The following NPEPPS variants were observed in gnomAD, a reference collection of about 807,000 sequenced individuals.
NPEPPS encodes the protein puromycin-sensitive aminopeptidase.
NPEPPS carries 14 observed loss-of-function variants against 115.5 expected under a neutral mutation model. That is an observed-to-expected ratio of 0.12 (90% CI 0.08 to 0.19). The LOEUF is 0.19. Ranked by LOEUF, NPEPPS falls within the 10% of genes least tolerant of loss-of-function variation. The pLI is 1.00. For missense variants in NPEPPS, 523 were observed against 1,110.8 expected (o/e 0.47, Z 7.52); for synonymous variants, 285 against 390.6 (o/e 0.73, Z 3.19).
chr17:47,612,398 TG>T, intron 17 of NPEPPS, 61 bp from the exon 18 acceptor site: 1 of 1,568,640 alleles, frequency 6.4e-7, no homozygotes. Flanking sequence ...GATATCCAAA[TG>T]GCAAACTTAT....
At position 47,622,896 on chromosome 17, in the gene NPEPPS, T is replaced by C. The variant is rs1188856525; in HGVS notation, c.*976T>C. 2.2e-6 allele frequency: 1 copy of C among 455,902 alleles called. No individual in the cohort carries two copies. The highest frequency in any genetic ancestry group is 6.9e-5 in the East Asian group (1 of 14,396). 28.2% of individuals were successfully genotyped at this position (455,902 alleles called of 1,614,324 possible). ...CAGTATCAACACTGGCTTCTCCCGG[T>C]TCATTTTATGCGTGCGAGAAGTCAG... On this transcript the variant is annotated 3_prime_UTR_variant, in exon 23 of 23. Coordinates refer to ENST00000322157, the MANE Select transcript of NPEPPS (RefSeq NM_006310.4).
In NPEPPS at chr17:47,601,598, T is replaced by G. The variant is rs759892020; in HGVS notation, c.1601-10T>G. The G allele has an allele frequency of 2.5e-6, 4 of 1,613,224 alleles. No homozygotes were observed. In the East Asian group the frequency reaches 6.7e-5, roughly 27 times the overall value. On this transcript the variant is annotated splice_polypyrimidine_tract_variant and intron_variant, in intron 14 of 22. Coordinates refer to ENST00000322157, the MANE Select transcript of NPEPPS (RefSeq NM_006310.4). Reference sequence around the variant, plus strand: ...CCAGTGCAAAATTTGTTTGTTCTTCTCTGGCTTAGGTGAAGATTGTCCCCA... The same window carrying G: ...CCAGTGCAAAATTTGTTTGTTCTTCGCTGGCTTAGGTGAAGATTGTCCCCA...
At chr17:47,531,614 C>G in intron 1 of NPEPPS, 59 bp downstream of exon 1, 2 of 1,505,432 alleles carry the variant, frequency 1.3e-6, no homozygotes, top group South Asian at 2.5e-5. Context: ...GCCGCGCCCG[C>G]GGGCTGGACT....
At chr17:47,616,381 C>T (rs1236178553) in intron 19 of NPEPPS, among the ~76,000 whole-genome samples, 1 of 151,948 alleles carries the variant, frequency 6.6e-6, no homozygotes, top group Non-Finnish European at 1.5e-5. Flanking sequence ...AACTCCGGCT[C>T]TACTAAAAAT....
Position 47,622,973 on chromosome 17 carries a change from A to G in NPEPPS, c.*1053A>G, listed in dbSNP as rs1185245665. 1.8e-5 allele frequency: 8 copies of G among 455,612 alleles called. No individual in the cohort carries two copies. The East Asian group carries it at 2.1e-4, about 12-fold the overall frequency. The allele number at this position is 455,612 out of a possible 1,614,324, so 28.2% of individuals were successfully genotyped here. A position where few individuals can be genotyped will look rare whatever the true frequency, so the allele number is the denominator to read the frequency against. On this transcript the variant is annotated 3_prime_UTR_variant, in exon 23 of 23. Transcript: ENST00000322157. ...TTAGTGGTAACTGGTTTAAAAAACA[A>G]AGACTGTAAGCCTGTGTGTGCCACT...
At chr17:47,542,317 C>T (rs1316235476) in intron 1 of NPEPPS, among the ~76,000 whole-genome samples, 1 of 152,024 alleles carries the variant, frequency 6.6e-6, no homozygotes, top group African/African-American at 2.4e-5. Flanking sequence ...GAGGCCGAGG[C>T]GGGCAGATCA....
At chr17:47,602,173 G>C (rs891300353) in intron 15 of NPEPPS, among the ~76,000 whole-genome samples, 1 of 152,004 alleles carries the variant, frequency 6.6e-6, no homozygotes, top group Admixed American at 6.6e-5. Context: ...TCCTTAGTTG[G>C]TATTTCAAAA....
At chr17:47,525,812 A>G (rs1387568362) in intron 1 of NPEPPS, among the ~76,000 whole-genome samples, 1 of 152,206 alleles carries the variant, frequency 6.6e-6, no homozygotes, top group East Asian at 1.9e-4. Flanking sequence ...ATAATAATTG[A>G]GATGTACTTT....
intron 14 of NPEPPS, among the ~76,000 whole-genome samples, chr17:47,601,198 G>A (rs1567866011): frequency 6.6e-6 from 1 of 151,922 alleles, no homozygotes; most frequent in South Asian, 2.1e-4. Flanking sequence ...TCACGCCACC[G>A]CACTCCAGCC....
At chr17:47,544,585 G>A (rs1301172868) in intron 1 of NPEPPS, among the ~76,000 whole-genome samples, 1 of 150,868 alleles carries the variant, frequency 6.6e-6, no homozygotes, top group African/African-American at 2.4e-5. Context: ...CCAGGCTGGA[G>A]TGTAGTGGCA....
chr17:47,612,748 C>G, intron 18 of NPEPPS, 146 bp downstream of exon 18: 1 of 690,278 alleles, frequency 1.4e-6, no homozygotes, highest in Non-Finnish European at 2.3e-6. Flanking sequence ...ACTGCAGCCT[C>G]TGTCCCCCGA....
chr17:47,537,357 A>G (rs1908375945), intron 1 of NPEPPS, among the ~76,000 whole-genome samples: 1 of 152,172 alleles, frequency 6.6e-6, no homozygotes, highest in Non-Finnish European at 1.5e-5. Flanking sequence ...TGAATTTTCC[A>G]GATAACTGAA....
chr17:47,552,481 T>G (rs144447948), intron 2 of NPEPPS, among the ~76,000 whole-genome samples: 28 of 152,354 alleles, frequency 1.8e-4, no homozygotes, highest in African/African-American at 6.5e-4. Flanking sequence ...TGTATTTGCA[T>G]TCTTTCACTT....
intron 11 of NPEPPS, among the ~76,000 whole-genome samples, 168 bp downstream of exon 11, chr17:47,592,228 C>G (rs79600407): frequency 2.0e-5 from 3 of 151,600 alleles, no homozygotes; most frequent in East Asian, 3.9e-4. Flanking sequence ...GTTGACTACT[C>G]TGGTCTCTTA....
At chr17:47,527,350 G>A (rs1597798896), upstream of NPEPPS, among the ~76,000 whole-genome samples, 4 of 150,240 alleles carry the variant, frequency 2.7e-5, no homozygotes, top group African/African-American at 9.8e-5. Flanking sequence ...CGGGTGTGGT[G>A]GTGGGCACCT....
At chr17:47,527,294 C>T (rs1296097188), upstream of NPEPPS, among the ~76,000 whole-genome samples, 1 of 152,028 alleles carries the variant, frequency 6.6e-6, no homozygotes, top group Non-Finnish European at 1.5e-5. Context: ...ACCAGCCTGG[C>T]CAACATGGTG....
chr17:47,612,576 A>T lies in NPEPPS; in HGVS notation c.2212A>T (p.Ile738Phe). The T allele has an allele frequency of 6.2e-7, 1 of 1,613,282 alleles. No individual in the cohort carries two copies. The highest frequency in any genetic ancestry group is 1.1e-5 in the South Asian group (1 of 91,076). Residue 738 changes from isoleucine to phenylalanine, a missense_variant, in exon 18 of 23, where the codon ATT (isoleucine) becomes TTT (phenylalanine). By Grantham distance (21) the Ile-to-Phe change is conservative. Around this residue, in one of 4 missense-constraint regions of NPEPPS, gnomAD observed 372 missense variants for 542.6 expected, o/e 0.69. Coordinates refer to ENST00000322157, the MANE Select transcript of NPEPPS (RefSeq NM_006310.4). ...RFKDHVEGKQ[I>F]LSADLRSPVY... Reference sequence around the variant, plus strand: ...TAAGGACCACGTGGAAGGAAAACAGATTCTCTCCGCTGATCTGAGGAGTCC... The same window carrying T: ...TAAGGACCACGTGGAAGGAAAACAGTTTCTCTCCGCTGATCTGAGGAGTCC...
chr17:47,589,443 T>G (rs1358181995), intron 9 of NPEPPS, among the ~76,000 whole-genome samples: 1 of 152,078 alleles, frequency 6.6e-6, no homozygotes, highest in Non-Finnish European at 1.5e-5. Context: ...CTTTTTAATT[T>G]TTTTAGAGAT....
rs1202286112 is a variant in NPEPPS at position 47,618,431 on chromosome 17, C to G, written c.2377C>G (p.Gln793Glu). 5.0e-6 allele frequency: 8 copies of G among 1,613,396 alleles called. No homozygotes were observed. The Admixed American group carries it at 1.2e-4, about 24-fold the overall frequency. ...CGCTACTCTTTTGCCTGACCTGATT[C>G]AAAAAGTCCTCACGTTTGCACTTTC... Reference protein sequence around the residue: ...LGATLLPDLIQKVLTFALSEE... With the variant: ...LGATLLPDLIEKVLTFALSEE... The change falls in exon 20 of 23, where the codon CAA (glutamine) becomes GAA (glutamate). Residue 793 changes from glutamine to glutamate, a missense_variant. By Grantham distance (29) the Gln-to-Glu change is conservative. Around this residue, in one of 4 missense-constraint regions of NPEPPS, gnomAD observed 372 missense variants for 542.6 expected, o/e 0.69. Transcript: ENST00000322157.
Sources: allele counts gnomAD v4.1 joint callset (sites outside exome capture counted in the v4.1 genomes callset), GRCh38; gene constraint gnomAD v4.1.1; regional missense constraint gnomAD v4.1.1; transcripts MANE v1.5; gene names NCBI Gene and HGNC (gene_info 2026-07-23, HGNC 2026-07-21).